The following DSG3 variants were observed in gnomAD, a reference collection of about 807,000 sequenced individuals.
DSG3 encodes the protein desmoglein-3.
Under a neutral mutation model 85.9 loss-of-function variants are expected in DSG3, and 63 were observed. The ratio of observed to expected loss-of-function variants is 0.73; its 90% CI spans 0.60 to 0.90. DSG3 has a LOEUF of 0.90. DSG3 is among the 40% of genes least tolerant of loss of function. The pLI is 0.00. For missense variants in DSG3, 1,220 were observed against 1,219.9 expected, an observed-to-expected ratio of 1.00 and a Z score of 0.00; for synonymous variants, 447 against 441.9, an observed-to-expected ratio of 1.01 and a Z score of -0.14.
chr18:31,448,237 G>A (rs1259597834), intron 1 of DSG3, among the ~76,000 whole-genome samples: 3 of 152,066 alleles, frequency 2.0e-5, no homozygotes, highest in Non-Finnish European at 4.4e-5. Flanking sequence ...TTAAAGTTAT[G>A]CTTTTACTAG....
In DSG3 at chr18:31,463,047, G is replaced by A. The variant is rs79052280; in HGVS notation, c.1000-1064G>A. Among the ~76,000 whole-genome samples, 1,517 of 152,248 alleles carry A rather than the reference G, an allele frequency of 1.0e-2. 11 individuals carry two copies. Among genetic ancestry groups the A allele is most frequent in the Non-Finnish European group, 0.017 (1,175 of 68,008 alleles). ...TCAGGTGACTCTACAGTCAGCCAGGGTTGCTAGCTCCTAGCCCTTTAAGAT... is the reference window on the plus strand; with the variant it reads ...TCAGGTGACTCTACAGTCAGCCAGGATTGCTAGCTCCTAGCCCTTTAAGAT... On this transcript the variant is annotated intron_variant, in intron 8 of 15. Transcript: ENST00000257189.
chr18:31,472,377 GA>G lies in DSG3; in HGVS notation c.1993del (p.Thr665GlnfsTer25). ...ATCCCAGTTCCTGATGGCTCAGAAG[GA>G]ACAATTCATCAGTGGGGAATTGAAG... ...GFIPVPDGSE[G>X]TIHQWGIEGA... On this transcript the variant is annotated frameshift_variant, in exon 13 of 16. Transcript: ENST00000257189. LOFTEE classifies it high-confidence loss of function. 6.2e-7 allele frequency: 1 copy of G among 1,614,074 alleles called. No homozygotes were observed. Among genetic ancestry groups the G allele is most frequent in the Non-Finnish European group, 8.5e-7 (1 of 1,179,998 alleles).
chr18:31,459,979 G>T lies in DSG3; in HGVS notation c.652G>T (p.Val218Phe), dbSNP rs1412274254. 6.2e-7 allele frequency: 1 copy of T among 1,613,974 alleles called. No homozygotes were observed. The highest frequency in any genetic ancestry group is 8.5e-7 in the Non-Finnish European group (1 of 1,179,958). Reference protein sequence around the residue: ...MFLLSRNTGEVRTLTNSLDRE... With the variant: ...MFLLSRNTGEFRTLTNSLDRE... ...CCTCCTAAGCAGAAACACTGGGGAAGTCCGTACTTTGACCAATTCTCTTGA... is the reference window on the plus strand; with the variant it reads ...CCTCCTAAGCAGAAACACTGGGGAATTCCGTACTTTGACCAATTCTCTTGA... Residue 218 changes from valine to phenylalanine, a missense_variant, in exon 6 of 16, where the codon GTC (valine) becomes TTC (phenylalanine). Transcript: ENST00000257189.
intron 2 of DSG3, among the ~76,000 whole-genome samples, 183 bp from the exon 3 acceptor site, chr18:31,456,810 G>A (rs139825259): frequency 2.0e-5 from 3 of 152,232 alleles, no homozygotes; most frequent in Admixed American, 6.5e-5. Flanking sequence ...TAGCTTTGTA[G>A]TTATTTTAGT....
chr18:31,453,065 T>C (rs1444736268), intron 1 of DSG3, among the ~76,000 whole-genome samples: 1 of 152,178 alleles, frequency 6.6e-6, no homozygotes, highest in Non-Finnish European at 1.5e-5. Context: ...AAATACAAAG[T>C]TTATCACAAT....
chr18:31,461,079 A>G, intron 7 of DSG3, 118 bp downstream of exon 7: 1 of 1,272,866 alleles, frequency 7.9e-7, no homozygotes, highest in South Asian at 1.7e-5. Flanking sequence ...ATCTTTAAAG[A>G]AATATGCTTT....
At chr18:31,468,592 A>G (rs1048686342) in intron 11 of DSG3, among the ~76,000 whole-genome samples, 2 of 152,198 alleles carry the variant, frequency 1.3e-5, no homozygotes, top group Admixed American at 6.5e-5. Context: ...ACATCACTCT[A>G]TTATCAACCC....
At chr18:31,459,776 G>A (rs2072771974) in intron 5 of DSG3, 69 bp from the exon 6 acceptor site, 1 of 1,410,736 alleles carries the variant, frequency 7.1e-7, no homozygotes, top group Non-Finnish European at 9.6e-7. Context: ...GAACTTGTTT[G>A]GAATATTTAA....
At chr18:31,469,851 A>G (rs979729835) in intron 12 of DSG3, among the ~76,000 whole-genome samples, 6 of 152,054 alleles carry the variant, frequency 3.9e-5, no homozygotes, top group Non-Finnish European at 7.4e-5. Flanking sequence ...ATATTAATCA[A>G]TAGCATATGA....
chr18:31,466,207 A>G (rs17802516), intron 10 of DSG3, among the ~76,000 whole-genome samples: 3,696 of 152,310 alleles, frequency 0.024, 112 homozygotes, highest in East Asian at 0.15. Flanking sequence ...TACAAGTGAA[A>G]TCAACACATT....
intron 12 of DSG3, among the ~76,000 whole-genome samples, chr18:31,471,893 T>C (rs1318237404): frequency 6.6e-6 from 1 of 152,236 alleles, no homozygotes; most frequent in Non-Finnish European, 1.5e-5. Flanking sequence ...ATTCTGGTCA[T>C]ATATTTATCT....
intron 5 of DSG3, among the ~76,000 whole-genome samples, 173 bp from the exon 6 acceptor site, chr18:31,459,672 C>T (rs1428015147): frequency 6.6e-6 from 1 of 152,092 alleles, no homozygotes; most frequent in Admixed American, 6.6e-5. Flanking sequence ...ACAGTTCTAC[C>T]TGGTTGGGAG....
Position 31,457,032 on chromosome 18 carries a change from C to T in DSG3, c.124C>T (p.Gln42Ter). 6.2e-7 allele frequency: 1 copy of T among 1,612,672 alleles called. No homozygotes were observed. The highest frequency in any genetic ancestry group is 8.5e-7 in the Non-Finnish European group (1 of 1,179,350). ...QYDEEEMTMQ[Q>*]AKRRQKREWV... ...TGATGAAGAAGAGATGACTATGCAA[C>T]AAGCTAAAAGAAGGCAAAAACGTGA... Residue 42 changes from glutamine to a stop codon, truncating the protein, a stop_gained, in exon 3 of 16, where the codon CAA becomes TAA. Transcript: ENST00000257189. LOFTEE classifies it high-confidence loss of function.
chr18:31,455,638 G>A (rs1478732278), intron 1 of DSG3, among the ~76,000 whole-genome samples: 2 of 152,194 alleles, frequency 1.3e-5, no homozygotes, highest in African/African-American at 2.4e-5. Flanking sequence ...ATATTTAAGT[G>A]GGTGGAGTAG....
rs531218227 is a variant in DSG3, at chr18:31,463,092, G to C, written c.1000-1019G>C. On this transcript the variant is annotated intron_variant, in intron 8 of 15. Coordinates refer to ENST00000257189, the MANE Select transcript of DSG3 (RefSeq NM_001944.3). ...TAAGATGAAATTCACAAGGCAATTT[G>C]TTATCTGTATTCAGCCTGCAACTGC... Among the ~76,000 whole-genome samples the C allele has an allele frequency of 1.5e-4, 23 of 152,302 alleles. No homozygotes were observed. The South Asian group carries it at 4.6e-3, about 30-fold the overall frequency.
In DSG3 at chr18:31,466,471, C is replaced by T. The variant is rs1200184015; in HGVS notation, c.1412-59C>T. 4.8e-6 allele frequency: 7 copies of T among 1,455,200 alleles called. No homozygotes were observed. The African/African-American group carries it at 7.0e-5, about 15-fold the overall frequency. The allele number at this position is 1,455,200 out of a possible 1,614,324, so 90.1% of individuals were successfully genotyped here. The stretch of plus-strand genomic sequence containing the variant: ...AGAAAAGAGAAATGTAAAAGATTCT[C>T]CTTTTTTGTACAACTTTGTTCTATA... On this transcript the variant is annotated intron_variant, in intron 10 of 15. Coordinates refer to ENST00000257189, the MANE Select transcript of DSG3 (RefSeq NM_001944.3).
In DSG3 at chr18:31,472,173, T is replaced by C. The variant is rs1027494850; in HGVS notation, c.1898-111T>C. 26 of 1,500,988 alleles carry C rather than the reference T, an allele frequency of 1.7e-5. No individual in the cohort carries two copies. The African/African-American group carries it at 2.7e-4, about 15-fold the overall frequency. The allele number at this position is 1,500,988 out of a possible 1,614,324, so 93.0% of individuals were successfully genotyped here. A position where few individuals can be genotyped will look rare whatever the true frequency, so the allele number is the denominator to read the frequency against. On this transcript the variant is annotated intron_variant, in intron 12 of 15. Coordinates refer to ENST00000257189, the MANE Select transcript of DSG3 (RefSeq NM_001944.3). ...ATTTTGGTTTTCATTAGGAATTTTCTACAAATATTTAAGATACTGTATTTT... is the reference window on the plus strand; with the variant it reads ...ATTTTGGTTTTCATTAGGAATTTTCCACAAATATTTAAGATACTGTATTTT...
At position 31,457,008 on chromosome 18, in the gene DSG3, G is replaced by A; in HGVS notation, c.100G>A (p.Asp34Asn). The A allele has an allele frequency of 1.2e-6, 2 of 1,609,592 alleles. No homozygotes were observed. The highest frequency in any genetic ancestry group is 1.7e-6 in the Non-Finnish European group (2 of 1,178,584). Residue 34 changes from aspartate (D) to asparagine (N), a missense_variant, in exon 3 of 16, where the codon GAT becomes AAT. Physicochemically the swap from Asp to Asn is conservative, Grantham distance 23. Coordinates refer to ENST00000257189, the MANE Select transcript of DSG3 (RefSeq NM_001944.3). ...ELRIETKGQYDEEEMTMQQAK... is the reference protein window; with the variant it reads ...ELRIETKGQYNEEEMTMQQAK... ...TTTACATAAGACTAAAGGTCAATAT[G>A]ATGAAGAAGAGATGACTATGCAACA...
At chr18:31,452,500 A>G (rs1326765224) in intron 1 of DSG3, among the ~76,000 whole-genome samples, 1 of 129,536 alleles carries the variant, frequency 7.7e-6, no homozygotes, top group Non-Finnish European at 1.6e-5. Flanking sequence ...GCCTTGTGAC[A>G]GAGCGAGACT....
Sources: gnomAD v4.1 joint callset for allele counts (sites outside exome capture counted in the v4.1 genomes callset) on GRCh38, gnomAD v4.1.1 for gene constraint, MANE v1.5 for transcripts, NCBI Gene and HGNC (gene_info 2026-07-23, HGNC 2026-07-21) for gene names.